The following LAMA2 variants were observed in gnomAD, a reference collection of about 807,000 sequenced individuals.
The protein encoded by LAMA2 is laminin subunit alpha 2.
LAMA2 carries 269 observed loss-of-function variants against 364.8 expected under a neutral mutation model. The ratio of observed to expected loss-of-function variants is 0.74; its 90% CI spans 0.67 to 0.82. The LOEUF is 0.82. Among genes scored for constraint, LAMA2 ranks in the 40% least tolerant of loss-of-function variants. The pLI is 0.00. For missense variants in LAMA2, 3,807 were observed against 3,873.2 expected (o/e 0.98, Z 0.45); for synonymous variants, 1,379 against 1,370.6 (o/e 1.01, Z -0.14).
chr6:129,233,489 TAGAG>T (rs369211286), intron 12 of LAMA2, among the ~76,000 whole-genome samples: 32 of 152,228 alleles, frequency 2.1e-4, no homozygotes, highest in Non-Finnish European at 4.3e-4. Flanking sequence ...TAAAGTGTGT[TAGAG>T]AGAAAAGAAA....
chr6:129,085,574 C>T (rs1774332939), intron 3 of LAMA2, among the ~76,000 whole-genome samples: 1 of 152,094 alleles, frequency 6.6e-6, no homozygotes, highest in African/African-American at 2.4e-5. Flanking sequence ...ACCAATTAGG[C>T]CAATGTGAGG....
intron 37 of LAMA2, among the ~76,000 whole-genome samples, chr6:129,395,018 A>G (rs1304043521): frequency 6.6e-6 from 1 of 152,214 alleles, no homozygotes; most frequent in Non-Finnish European, 1.5e-5. Context: ...ATGGTTGCTT[A>G]AACCAAATAA....
At chr6:129,349,791 T>C (rs1208791418) in intron 31 of LAMA2, among the ~76,000 whole-genome samples, 2 of 152,122 alleles carry the variant, frequency 1.3e-5, no homozygotes, top group Non-Finnish European at 2.9e-5. Context: ...TGAATTCACG[T>C]CATTGTTCTG....
intron 1 of LAMA2, among the ~76,000 whole-genome samples, chr6:128,934,887 G>A (rs1389063438): frequency 6.6e-6 from 1 of 152,142 alleles, no homozygotes; most frequent in Non-Finnish European, 1.5e-5. Flanking sequence ...TTTGGGTAAT[G>A]TGGACATTTT....
chr6:128,995,463 A>C (rs1290339010), intron 1 of LAMA2, among the ~76,000 whole-genome samples: 1 of 152,180 alleles, frequency 6.6e-6, no homozygotes, highest in Non-Finnish European at 1.5e-5. Context: ...CTGGGATTAC[A>C]GGTGCCTGCC....
chr6:129,149,577 C>A (rs993197130), intron 7 of LAMA2, among the ~76,000 whole-genome samples: 2 of 152,044 alleles, frequency 1.3e-5, no homozygotes, highest in Non-Finnish European at 2.9e-5. Flanking sequence ...AACAAATTAA[C>A]TCAACTCACA....
Position 129,015,086 on chromosome 6 carries a change from A to G in LAMA2, c.113-34832A>G, listed in dbSNP as rs555357629. ...CTTTGTCTGAAATTAAACTGAATAT[A>G]TATCATTTATAGATACAAGCATAGA... On this transcript the variant is annotated intron_variant, in intron 1 of 64. Coordinates refer to ENST00000421865, the MANE Select transcript of LAMA2 (RefSeq NM_000426.4). Among the ~76,000 whole-genome samples, 7 of 152,294 alleles carry G rather than the reference A, an allele frequency of 4.6e-5. No homozygotes were observed. The East Asian group carries it at 1.2e-3, about 25-fold the overall frequency.
At chr6:128,928,962 A>G in intron 1 of LAMA2, 2 of 1,003,564 alleles carry the variant, frequency 2.0e-6, no homozygotes, top group African/African-American at 1.6e-5. Context: ...GAGGTAATAC[A>G]GGGAAGCTAC....
chr6:129,039,095 T>C (rs966737663), intron 1 of LAMA2, among the ~76,000 whole-genome samples: 1 of 152,208 alleles, frequency 6.6e-6, no homozygotes, highest in African/African-American at 2.4e-5. Context: ...ATGCCCTCAG[T>C]AATTTTATAG....
chr6:129,210,243 G>T (rs1783006849), intron 12 of LAMA2, among the ~76,000 whole-genome samples: 1 of 151,980 alleles, frequency 6.6e-6, no homozygotes, highest in Non-Finnish European at 1.5e-5. Flanking sequence ...AAAAAAACCT[G>T]CAGTATGCTT....
intron 12 of LAMA2, among the ~76,000 whole-genome samples, chr6:129,247,145 A>T (rs1161684489): frequency 6.6e-6 from 1 of 152,138 alleles, no homozygotes; most frequent in African/African-American, 2.4e-5. Context: ...ATCTTAAGCA[A>T]TCCTTTTAAG....
chr6:128,956,825 AG>A (rs1164590779), intron 1 of LAMA2, among the ~76,000 whole-genome samples: 13 of 151,680 alleles, frequency 8.6e-5, no homozygotes, highest in African/African-American at 3.1e-4. Flanking sequence ...TTTTTTTTAA[AG>A]GAACACCAAA....
chr6:129,342,649 C>A (rs1004877257), intron 30 of LAMA2, among the ~76,000 whole-genome samples, 182 bp downstream of exon 30: 9 of 151,878 alleles, frequency 5.9e-5, no homozygotes, highest in Non-Finnish European at 1.0e-4. Context: ...TTCATTTTTC[C>A]TTTGAAACTC....
At chr6:129,096,399 CT>C (rs1302984249) in intron 3 of LAMA2, among the ~76,000 whole-genome samples, 1 of 152,148 alleles carries the variant, frequency 6.6e-6, no homozygotes, top group Non-Finnish European at 1.5e-5. Context: ...AAGTCCTCCT[CT>C]TTTCTTGACT....
At chr6:129,476,325 G>A (rs1013494222) in intron 53 of LAMA2, among the ~76,000 whole-genome samples, 5 of 152,168 alleles carry the variant, frequency 3.3e-5, no homozygotes, top group Non-Finnish European at 7.3e-5. Context: ...TAAACCATGC[G>A]TTTTATCATG....
intron 1 of LAMA2, among the ~76,000 whole-genome samples, chr6:128,963,891 T>C (rs1008500216): frequency 5.9e-5 from 9 of 152,198 alleles, no homozygotes; most frequent in Non-Finnish European, 1.3e-4. Context: ...GAATGCAACT[T>C]GCTAGGGAGA....
intron 45 of LAMA2, among the ~76,000 whole-genome samples, chr6:129,452,109 TTCTC>T (rs1317899770): frequency 6.6e-6 from 1 of 152,248 alleles, no homozygotes; most frequent in Non-Finnish European, 1.5e-5. Context: ...AAGTTACAGA[TTCTC>T]TCTGAGTCCA....
At chr6:129,395,512 C>T (rs1039515489) in intron 37 of LAMA2, among the ~76,000 whole-genome samples, 19 of 152,152 alleles carry the variant, frequency 1.2e-4, no homozygotes, top group African/African-American at 4.3e-4. Flanking sequence ...AACTCAGAAA[C>T]TCTGAGAATG....
chr6:129,280,072 C>A lies in LAMA2; in HGVS notation c.2462C>A (p.Thr821Lys). The A allele has an allele frequency of 6.2e-7, 1 of 1,612,310 alleles. No homozygotes were observed. Among genetic ancestry groups the A allele is most frequent in the East Asian group, 2.2e-5 (1 of 44,860 alleles). ...LNIPSNNFSP[T>K]CHLDRSLGLI... ...CAACATCAACATAGCTTTAGCCCAA[C>A]GTGCCATTTAGACCGGAGTCTTGGA... Residue 821 changes from threonine to lysine, a missense_variant, in exon 18 of 65, where the codon ACG becomes AAG. Transcript: ENST00000421865.
Sources: gnomAD v4.1 joint callset for allele counts (sites outside exome capture counted in the v4.1 genomes callset) on GRCh38, gnomAD v4.1.1 for gene constraint, MANE v1.5 for transcripts, NCBI Gene and HGNC (gene_info 2026-07-23, HGNC 2026-07-21) for gene names.